The following ZNF236 variants were observed in gnomAD, a reference collection of about 807,000 sequenced individuals.
ZNF236 encodes the protein regulated by glucose.
Under a neutral mutation model 191.2 loss-of-function variants are expected in ZNF236, and 50 were observed. The ratio of observed to expected loss-of-function variants is 0.26; its 90% CI spans 0.21 to 0.33. ZNF236 has a LOEUF of 0.33. Ranked by LOEUF, ZNF236 falls within the 10% of genes least tolerant of loss-of-function variation. The probability of loss-of-function intolerance (pLI) is 1.00; values close to 1 mark genes in which losing one functional copy is unlikely to be tolerated. For missense variants in ZNF236, 1,754 were observed against 2,374.5 expected, an observed-to-expected ratio of 0.74 and a Z score of 5.43; for synonymous variants, 907 against 928.8, an observed-to-expected ratio of 0.98 and a Z score of 0.43.
At chr18:76,906,707 C>T (rs898470080) in intron 13 of ZNF236, among the ~76,000 whole-genome samples, 4 of 152,218 alleles carry the variant, frequency 2.6e-5, no homozygotes, top group South Asian at 2.1e-4. Flanking sequence ...GTATATTGTG[C>T]GACCATTGTT....
At chr18:76,848,398 T>A (rs1369255257) in intron 1 of ZNF236, among the ~76,000 whole-genome samples, 1 of 152,256 alleles carries the variant, frequency 6.6e-6, no homozygotes, top group Non-Finnish European at 1.5e-5. Context: ...ATTACGTATT[T>A]ATGTCCAAAT....
chr18:76,898,215 A>C (rs948205785), intron 10 of ZNF236: 2 of 152,180 alleles, frequency 1.3e-5, no homozygotes, highest in African/African-American at 4.8e-5. Context: ...TTTTAATGAC[A>C]TATTTATTGA....
intron 1 of ZNF236, chr18:76,824,150 G>C: frequency 1.7e-6 from 1 of 594,876 alleles, no homozygotes; most frequent in South Asian, 2.0e-5. Context: ...GTGCCCCAGA[G>C]AAAGGTCGGG....
At chr18:76,931,889 G>GA (rs201756473) in intron 25 of ZNF236, among the ~76,000 whole-genome samples, 5 of 150,568 alleles carry the variant, frequency 3.3e-5, no homozygotes, top group African/African-American at 4.9e-5. Flanking sequence ...ACTTTGTGAG[G>GA]AAAAAAAAAC....
At chr18:76,961,071 AGTG>A (rs1291670102) in intron 30 of ZNF236, among the ~76,000 whole-genome samples, 2 of 152,210 alleles carry the variant, frequency 1.3e-5, no homozygotes, top group African/African-American at 4.8e-5. Flanking sequence ...TAAGTTCTGT[AGTG>A]GTGATTTGTG....
intron 20 of ZNF236, 21 bp downstream of exon 20, chr18:76,920,079 C>A (rs146548655): frequency 1.2e-6 from 2 of 1,602,136 alleles, no homozygotes; most frequent in Admixed American, 3.4e-5. Context: ...GGCTACGCCG[C>A]GCGGGTTCCG....
intron 3 of ZNF236, 55 bp from the exon 4 acceptor site, chr18:76,868,630 T>C (rs1334928628): frequency 1.4e-6 from 2 of 1,463,344 alleles, no homozygotes; most frequent in Admixed American, 2.3e-5. Flanking sequence ...ACCAGTTCTT[T>C]GAAGGAGTGG....
chr18:76,956,494 G>A (rs796363000), intron 28 of ZNF236, among the ~76,000 whole-genome samples: 18 of 151,646 alleles, frequency 1.2e-4, no homozygotes, highest in African/African-American at 4.4e-4. Context: ...TTGAGGCTGT[G>A]GGGAAACAGA....
At chr18:76,824,025 C>T (rs552173593) in intron 1 of ZNF236, 26 of 350,844 alleles carry the variant, frequency 7.4e-5, no homozygotes, top group Non-Finnish European at 1.3e-4. Flanking sequence ...GTGGGTTATA[C>T]CTTGACTGCC....
chr18:76,834,841 T>G, intron 1 of ZNF236: 1 of 441,778 alleles, frequency 2.3e-6, no homozygotes, highest in Non-Finnish European at 4.5e-6. Context: ...TGAAATGCCT[T>G]TTGTGGTTGT....
intron 25 of ZNF236, among the ~76,000 whole-genome samples, chr18:76,933,440 G>A (rs1250941927): frequency 6.6e-6 from 1 of 151,840 alleles, no homozygotes; most frequent in Non-Finnish European, 1.5e-5. Context: ...ACTCCAGCCT[G>A]GGTGACGAGC....
At position 76,968,330 on chromosome 18, in the gene ZNF236, C is replaced by A. The variant is rs375890130; in HGVS notation, c.5535C>A (p.His1845Gln). The A allele has an allele frequency of 1.9e-6, 3 of 1,606,946 alleles. No homozygotes were observed. Among genetic ancestry groups the A allele is most frequent in the East Asian group, 2.2e-5 (1 of 44,722 alleles). ...EAAGEWQALT[H>Q]VF is the part of the protein sequence containing the mutation. ...CCGGCGAGTGGCAGGCCCTCACCCA[C>A]GTCTTCTGATGCGAGTTGGAAGTAC... The change falls in exon 31 of 31, where the codon CAC becomes CAA. Residue 1845 changes from histidine to glutamine, a missense_variant. Physicochemically the swap from His to Gln is conservative, Grantham distance 24. Coordinates refer to ENST00000320610, the MANE Select transcript of ZNF236 (RefSeq NM_001306089.2).
chr18:76,843,775 CAAAAAA>C (rs780026489), intron 1 of ZNF236, among the ~76,000 whole-genome samples: 194 of 8,250 alleles, frequency 0.024, 4 homozygotes, highest in African/African-American at 0.11. Flanking sequence ...GACTCCGTCT[CAAAAAA>C]AAAAAAAAAA....
At chr18:76,936,135 A>G (rs1373138148) in intron 25 of ZNF236, 5 of 446,776 alleles carry the variant, frequency 1.1e-5, no homozygotes, top group Admixed American at 4.9e-5. Flanking sequence ...AAGTCACAGC[A>G]AAGTGCTGAC....
At chr18:76,953,804 C>T (rs955458321) in intron 27 of ZNF236, among the ~76,000 whole-genome samples, 3 of 152,142 alleles carry the variant, frequency 2.0e-5, no homozygotes, top group Non-Finnish European at 4.4e-5. Flanking sequence ...CAGTGCCGGC[C>T]GCTGGACGCA....
chr18:76,911,347 G>T (rs17060055), intron 16 of ZNF236, among the ~76,000 whole-genome samples: 7,162 of 152,056 alleles, frequency 0.047, 294 homozygotes, highest in African/African-American at 0.11. Context: ...AATCCACCGC[G>T]GGTAGCTTTG....
chr18:76,942,197 A>G (rs1037364503), intron 26 of ZNF236, among the ~76,000 whole-genome samples: 184 of 152,340 alleles, frequency 1.2e-3, no homozygotes, highest in Non-Finnish European at 3.4e-4. Flanking sequence ...CCTTGAATTT[A>G]ATGAGGAAAC....
At chr18:76,963,032 T>C (rs1335951995) in intron 30 of ZNF236, among the ~76,000 whole-genome samples, 2 of 152,210 alleles carry the variant, frequency 1.3e-5, no homozygotes, top group Non-Finnish European at 1.5e-5. Flanking sequence ...CAGTGATAGT[T>C]TGACTTCCTC....
intron 13 of ZNF236, 117 bp from the exon 14 acceptor site, chr18:76,908,203 A>T: frequency 4.4e-6 from 6 of 1,352,850 alleles, no homozygotes; most frequent in Non-Finnish European, 6.1e-6. Context: ...TGACTTCAAA[A>T]TGAAATCATT....
Sources: allele counts gnomAD v4.1 joint callset (sites outside exome capture counted in the v4.1 genomes callset), GRCh38; gene constraint gnomAD v4.1.1; transcripts MANE v1.5; gene names NCBI Gene and HGNC (gene_info 2026-07-23, HGNC 2026-07-21).